TMCO4: variants seen among roughly 807,000 people sequenced by gnomAD.
TMCO4 encodes the protein transmembrane and coiled-coil domains 4.
TMCO4 carries 58 observed loss-of-function variants against 64.7 expected under a neutral mutation model. That is an observed-to-expected ratio of 0.90 (90% CI 0.73 to 1.12). The LOEUF (loss-of-function observed/expected upper bound fraction) is 1.12. Ranked by LOEUF, TMCO4 falls within the 50% of genes most tolerant of loss-of-function variation. The pLI is 0.00. For synonymous variants in TMCO4, 325 were observed against 346.1 expected, an observed-to-expected ratio of 0.94 and a Z score of 0.68; for missense variants, 780 against 825.9, an observed-to-expected ratio of 0.94 and a Z score of 0.68.
Position 19,682,751 on chromosome 1 carries a change from G to A in TMCO4, c.*289C>T. ...ACAGAAAGCCCACAGTTGGTTTCCG[G>A]TCCTGGGACTCTAACCTGTGCTTGG... On this transcript the variant is annotated 3_prime_UTR_variant, in exon 16 of 16. Transcript: ENST00000294543. 1 of 718,810 alleles carries A rather than the reference G, an allele frequency of 1.4e-6. No homozygotes were observed. The highest frequency in any genetic ancestry group is 1.5e-5 in the South Asian group (1 of 67,634). 44.5% of individuals were successfully genotyped at this position (718,810 alleles called of 1,614,324 possible).
intron 15 of TMCO4, among the ~76,000 whole-genome samples, chr1:19,684,063 CT>C (rs3048209): frequency 0.27 from 18,747 of 70,188 alleles, 1,786 homozygotes; most frequent in African/African-American, 0.38. Context: ...TGCCCGGCAG[CT>C]TTTTTTTTTT....
intron 7 of TMCO4, among the ~76,000 whole-genome samples, chr1:19,753,189 A>C (rs1484919242): frequency 6.6e-6 from 1 of 151,260 alleles, no homozygotes. Context: ...CGAACTCCTG[A>C]CCTCTGGTGA....
chr1:19,781,372 T>C (rs991091932), intron 3 of TMCO4, among the ~76,000 whole-genome samples: 4 of 151,574 alleles, frequency 2.6e-5, no homozygotes, highest in African/African-American at 9.7e-5. Flanking sequence ...GAAGCTAAGG[T>C]GAGAGGATTG....
chr1:19,794,563 C>T (rs981554836), intron 2 of TMCO4, among the ~76,000 whole-genome samples: 1 of 152,186 alleles, frequency 6.6e-6, no homozygotes, highest in Non-Finnish European at 1.5e-5. Context: ...CCCAGAGTGA[C>T]GGGCAAGATG....
chr1:19,705,382 C>T (rs1431612269), intron 13 of TMCO4, among the ~76,000 whole-genome samples: 3 of 151,862 alleles, frequency 2.0e-5, no homozygotes, highest in South Asian at 4.2e-4. Flanking sequence ...ACCCAGGAGG[C>T]GGAGATTGCA....
Position 19,789,709 on chromosome 1 carries a change from G to A in TMCO4, c.-100-2592C>T, listed in dbSNP as rs532045419. Among the ~76,000 whole-genome samples the A allele has an allele frequency of 2.6e-5, 4 of 152,206 alleles. No individual in the cohort carries two copies. In the South Asian group the frequency reaches 6.2e-4, roughly 24 times the overall value. On this transcript the variant is annotated intron_variant, in intron 2 of 15. Transcript: ENST00000294543. ...CCCATGTGGCCCAGCCAAGCCAGTG[G>A]GGATGAGTTCACAGTTAAGTCCCAT... is the stretch of plus-strand genomic sequence containing the variant.
intron 14 of TMCO4, among the ~76,000 whole-genome samples, chr1:19,696,507 T>C (rs1418195760): frequency 6.6e-6 from 1 of 151,622 alleles, no homozygotes; most frequent in Non-Finnish European, 1.5e-5. Context: ...GCCATGGTTG[T>C]ACCACTGCAC....
At chr1:19,742,981 C>T (rs192123079) in intron 10 of TMCO4, among the ~76,000 whole-genome samples, 394 of 152,012 alleles carry the variant, frequency 2.6e-3, no homozygotes, top group Admixed American at 4.2e-3. Flanking sequence ...ACCCGGGAGG[C>T]GGAGGTTGCA....
At chr1:19,762,777 C>G (rs1382925043) in intron 6 of TMCO4, among the ~76,000 whole-genome samples, 1 of 152,194 alleles carries the variant, frequency 6.6e-6, no homozygotes, top group Admixed American at 6.5e-5. Flanking sequence ...ACAGCCTGTT[C>G]CCAGTAATGG....
At chr1:19,769,612 T>C (rs61768326) in intron 6 of TMCO4, among the ~76,000 whole-genome samples, 17,785 of 152,114 alleles carry the variant, frequency 0.12, 1,135 homozygotes, top group Non-Finnish European at 0.13. Context: ...GCCATCAGAA[T>C]AAACATCAGA....
At chr1:19,740,082 C>T (rs1403979844) in intron 11 of TMCO4, 122 bp from the exon 12 acceptor site, 13 of 1,138,594 alleles carry the variant, frequency 1.1e-5, no homozygotes, top group Non-Finnish European at 1.6e-5. Context: ...TGCAAGTTTG[C>T]CAATCAAACT....
intron 6 of TMCO4, among the ~76,000 whole-genome samples, chr1:19,757,457 C>T (rs868155804): frequency 6.6e-6 from 1 of 152,102 alleles, no homozygotes; most frequent in Non-Finnish European, 1.5e-5. Flanking sequence ...ATCTGGAAAG[C>T]CCAGGATAGC....
At chr1:19,707,808 T>C (rs1351062969) in intron 13 of TMCO4, among the ~76,000 whole-genome samples, 1 of 152,098 alleles carries the variant, frequency 6.6e-6, no homozygotes, top group Admixed American at 6.6e-5. Flanking sequence ...ACAGGAAGCA[T>C]GACTGGGAGG....
intron 2 of TMCO4, among the ~76,000 whole-genome samples, chr1:19,794,335 A>G (rs748151075): frequency 6.6e-6 from 1 of 152,154 alleles, no homozygotes; most frequent in Non-Finnish European, 1.5e-5. Flanking sequence ...ATTCTGTATC[A>G]GTTACTTGTT....
At position 19,683,297 on chromosome 1, in the gene TMCO4, C is replaced by G. The variant is rs41312012; in HGVS notation, c.1648G>C (p.Ala550Pro). 1 of 1,613,996 alleles carries G rather than the reference C, an allele frequency of 6.2e-7. No individual in the cohort carries two copies. The highest frequency in any genetic ancestry group is 1.7e-5 in the Admixed American group (1 of 60,012). ...TGGTGGGGGGTCTCGCCTGATGAGGCGGCAGCTGCTGCCTGGCGAGGCTCC... is the reference window on the plus strand; with the variant it reads ...TGGTGGGGGGTCTCGCCTGATGAGGGGGCAGCTGCTGCCTGGCGAGGCTCC... ...SEEPRQAAAA[A>P]SSGETPHQVG... is the part of the protein sequence containing the mutation. Residue 550 changes from alanine (A) to proline (P), a missense_variant, in exon 16 of 16, where the codon GCC becomes CCC. Transcript: ENST00000294543.
chr1:19,754,012 C>T (rs1299146809), intron 7 of TMCO4, among the ~76,000 whole-genome samples: 1 of 152,150 alleles, frequency 6.6e-6, no homozygotes, highest in Non-Finnish European at 1.5e-5. Flanking sequence ...TATATATGAA[C>T]TCATCTGGGC....
At chr1:19,785,996 C>G (rs577586741) in intron 3 of TMCO4, among the ~76,000 whole-genome samples, 1 of 152,154 alleles carries the variant, frequency 6.6e-6, no homozygotes, top group Non-Finnish European at 1.5e-5. Flanking sequence ...CAGTGGCTCA[C>G]GCCTGTAATC....
intron 13 of TMCO4, among the ~76,000 whole-genome samples, chr1:19,730,266 A>C (rs4326647): frequency 0.56 from 85,421 of 152,086 alleles, 24,527 homozygotes; most frequent in East Asian, 0.73. Flanking sequence ...TACTGAGGAA[A>C]CATACGTTGA....
intron 13 of TMCO4, among the ~76,000 whole-genome samples, chr1:19,720,559 C>T (rs1229961562): frequency 1.3e-5 from 2 of 152,032 alleles, no homozygotes; most frequent in African/African-American, 4.8e-5. Context: ...TTATATTTGC[C>T]CATAAGTTGT....
Sources: allele counts gnomAD v4.1 joint callset (sites outside exome capture counted in the v4.1 genomes callset), GRCh38; gene constraint gnomAD v4.1.1; transcripts MANE v1.5; gene names NCBI Gene and HGNC (gene_info 2026-07-23, HGNC 2026-07-21).